The following ZNF821 variants were observed in gnomAD, a reference collection of about 807,000 sequenced individuals.
The protein encoded by ZNF821 is zinc finger protein 821.
A neutral mutation model predicts 44.3 loss-of-function variants in ZNF821; 16 were observed. The ratio of observed to expected loss-of-function variants is 0.36; its 90% confidence interval spans 0.24 to 0.55. The LOEUF is 0.55. Among genes scored for constraint, ZNF821 ranks in the 20% least tolerant of loss-of-function variants. The probability of loss-of-function intolerance (pLI) is 0.86; values close to 1 mark genes in which losing one functional copy is unlikely to be tolerated. For synonymous variants in ZNF821, 204 were observed against 197.6 expected, an observed-to-expected ratio of 1.03 and a Z score of -0.27; for missense variants, 436 against 547.6, an observed-to-expected ratio of 0.80 and a Z score of 2.03.
chr16:71,864,650 C>G lies in ZNF821; in HGVS notation c.312+253G>C, dbSNP rs2034321455. The stretch of plus-strand genomic sequence containing the variant: ...TACTTCAACAAAGTTTCTCTCATGT[C>G]TGGAAAGACGTGGGGAGCTGCAGGA... On this transcript the variant is annotated intron_variant, in intron 5 of 7. Transcript: ENST00000425432. The G allele has an allele frequency of 6.2e-6, 3 of 482,374 alleles. No individual in the cohort carries two copies. In the South Asian group the frequency reaches 8.8e-5, roughly 14 times the overall value. The allele number at this position is 482,374 out of a possible 1,614,324, so 29.9% of individuals were successfully genotyped here. A position where few individuals can be genotyped will look rare whatever the true frequency, so the allele number is the denominator to read the frequency against.
exon 1 of ZNF821, chr16:71,895,213 G>A (rs114801282): frequency 4.5e-4 from 82 of 181,212 alleles, no homozygotes; most frequent in Non-Finnish European, 8.0e-4. Flanking sequence ...CACTGGGCGC[G>A]GTGAGGCCGT....
At chr16:71,892,524 T>A (rs2036893346) in intron 1 of ZNF821, among the ~76,000 whole-genome samples, 1 of 150,576 alleles carries the variant, frequency 6.6e-6, no homozygotes, top group Admixed American at 6.6e-5. Flanking sequence ...CGCCTCGGCC[T>A]CCCAAAGTGC....
At position 71,864,728 on chromosome 16, in the gene ZNF821, T is replaced by C. The variant is rs558319919; in HGVS notation, c.312+175A>G. 1.3e-5 allele frequency: 9 copies of C among 703,510 alleles called. No individual in the cohort carries two copies. In the South Asian group the frequency reaches 1.9e-4, roughly 15 times the overall value. 43.6% of individuals were successfully genotyped at this position (703,510 alleles called of 1,614,324 possible). On this transcript the variant is annotated intron_variant, in intron 5 of 7. Coordinates refer to ENST00000425432, the MANE Select transcript of ZNF821 (RefSeq NM_001201552.2). Reference sequence around the variant, plus strand: ...TCGTGGATGGAAAAGGAAAACTGAGTGTGGCGAGAACTGAGAGTCTGAGGT... The same window carrying C: ...TCGTGGATGGAAAAGGAAAACTGAGCGTGGCGAGAACTGAGAGTCTGAGGT...
intron 3 of ZNF821, among the ~76,000 whole-genome samples, chr16:71,875,070 C>T (rs1471145228): frequency 6.6e-6 from 1 of 152,168 alleles, no homozygotes; most frequent in East Asian, 1.9e-4. Flanking sequence ...ACAGCCCCTC[C>T]CTGGGGGTCT....
intron 6 of ZNF821, among the ~76,000 whole-genome samples, chr16:71,863,802 A>G (rs907153576): frequency 6.6e-6 from 1 of 152,010 alleles, no homozygotes; most frequent in Non-Finnish European, 1.5e-5. Context: ...GGTTCAAGCA[A>G]TTCTCCTGTC....
At chr16:71,883,551 C>A (rs1034198641) in intron 1 of ZNF821, 7 of 186,964 alleles carry the variant, frequency 3.7e-5, no homozygotes, top group Admixed American at 2.3e-4. Context: ...TGATACCCCC[C>A]GGTCTGCACG....
At chr16:71,874,214 G>A (rs1440055121) in intron 3 of ZNF821, among the ~76,000 whole-genome samples, 9 of 150,568 alleles carry the variant, frequency 6.0e-5, no homozygotes, top group Non-Finnish European at 8.9e-5. Context: ...CACCCGCCTC[G>A]GCCTCCCAAA....
At chr16:71,877,649 T>A (rs1173023232) in intron 3 of ZNF821, among the ~76,000 whole-genome samples, 1 of 152,050 alleles carries the variant, frequency 6.6e-6, no homozygotes, top group Non-Finnish European at 1.5e-5. Context: ...CCAGCTGCAG[T>A]GGCTCATGCC....
intron 3 of ZNF821, among the ~76,000 whole-genome samples, chr16:71,873,277 ATGCCAC>A (rs563895116): frequency 2.6e-5 from 4 of 152,114 alleles, no homozygotes; most frequent in African/African-American, 9.6e-5. Context: ...AGCCAAGATC[ATGCCAC>A]TGCACTCTAG....
intron 2 of ZNF821, among the ~76,000 whole-genome samples, chr16:71,882,766 C>T (rs1380792898): frequency 6.6e-6 from 1 of 152,072 alleles, no homozygotes; most frequent in African/African-American, 2.4e-5. Flanking sequence ...AAATAAATGG[C>T]GCTGAAAGGA....
At chr16:71,892,734 C>G (rs1275714411) in intron 1 of ZNF821, among the ~76,000 whole-genome samples, 1 of 125,310 alleles carries the variant, frequency 8.0e-6, no homozygotes, top group Non-Finnish European at 1.7e-5. Flanking sequence ...ACAAACCAGG[C>G]TTTTTTTTTT....
In ZNF821 at chr16:71,861,925, C is replaced by G; in HGVS notation, c.435G>C (p.Val145=). 6.2e-7 allele frequency: 1 copy of G among 1,614,184 alleles called. No homozygotes were observed. Among genetic ancestry groups the G allele is most frequent in the Non-Finnish European group, 8.5e-7 (1 of 1,180,022 alleles). Residue 145 remains valine, a synonymous_variant, in exon 7 of 8, where the codon GTG becomes GTC. Transcript: ENST00000425432. ...CAGGACACATGTAGCTCTTGGCGCT[C>G]ACCACTGCTGCAGTGTGCTGTAAAA... ...AHVYQHTAAV[V]SAKSYMCPVC... is the part of the protein sequence containing the mutation.
intron 3 of ZNF821, among the ~76,000 whole-genome samples, chr16:71,875,968 T>C (rs2035769166): frequency 6.6e-6 from 1 of 152,224 alleles, no homozygotes; most frequent in Non-Finnish European, 1.5e-5. Context: ...ATGCAGCTTA[T>C]GGATATATGC....
chr16:71,864,432 A>C (rs1567408566), intron 5 of ZNF821, among the ~76,000 whole-genome samples, 190 bp from the exon 6 acceptor site: 1 of 152,274 alleles, frequency 6.6e-6, no homozygotes, highest in Non-Finnish European at 1.5e-5. Flanking sequence ...ATGAGGACAC[A>C]GGATTGCCTC....
At chr16:71,887,854 G>GTTTT, upstream of ZNF821, among the ~76,000 whole-genome samples, 1 of 143,844 alleles carries the variant, frequency 7.0e-6, no homozygotes, top group Non-Finnish European at 1.5e-5. Context: ...AAATTGAGTT[G>GTTTT]TCTTTTTTTT....
rs2033734395 is a variant in ZNF821 at position 71,860,579 on chromosome 16, A to T, written c.678T>A (p.Ser226Arg). ...SSAEGKDIAF[S>R]PPVYPAGILL... Reference sequence around the variant, plus strand: ...GAATTCCAGCAGGGTACACTGGAGGACTAAAGGCAATATCCTTCCCCTCAG... The same window carrying T: ...GAATTCCAGCAGGGTACACTGGAGGTCTAAAGGCAATATCCTTCCCCTCAG... The change falls in exon 8 of 8, where the codon AGT becomes AGA. Residue 226 changes from serine to arginine, a missense_variant. Coordinates refer to ENST00000425432, the MANE Select transcript of ZNF821 (RefSeq NM_001201552.2). This position sits in a 1 kb window ranked among gnomAD's most constrained non-coding sequence, Gnocchi z 7.3. 1 of 1,614,012 alleles carries T rather than the reference A, an allele frequency of 6.2e-7. No individual in the cohort carries two copies. The highest frequency in any genetic ancestry group is 8.5e-7 in the Non-Finnish European group (1 of 1,180,044).
intron 4 of ZNF821, among the ~76,000 whole-genome samples, chr16:71,867,643 G>GCA (rs2034700335): frequency 1.3e-5 from 2 of 151,654 alleles, no homozygotes; most frequent in Non-Finnish European, 2.9e-5. Context: ...CTGAGATCAT[G>GCA]CCAATGCACT....
intron 1 of ZNF821, among the ~76,000 whole-genome samples, chr16:71,891,874 C>G (rs1427307769): frequency 1.3e-5 from 2 of 151,768 alleles, no homozygotes; most frequent in African/African-American, 4.8e-5. Context: ...TGGTGCAGGC[C>G]TGTAGCAGCT....
intron 4 of ZNF821, among the ~76,000 whole-genome samples, chr16:71,866,522 C>T (rs2034562634): frequency 6.6e-6 from 1 of 152,162 alleles, no homozygotes; most frequent in African/African-American, 2.4e-5. Flanking sequence ...CCCAGCTTAT[C>T]TGAAATACTT....
Sources: allele counts gnomAD v4.1 joint callset (sites outside exome capture counted in the v4.1 genomes callset), GRCh38; gene constraint gnomAD v4.1.1; non-coding constraint Gnocchi (gnomAD v3.1); transcripts MANE v1.5; gene names NCBI Gene and HGNC (gene_info 2026-07-23, HGNC 2026-07-21).